The following EML1 variants were observed in gnomAD, a reference collection of about 807,000 sequenced individuals.
EML1 encodes the protein echinoderm microtubule-associated protein-like 1.
A neutral mutation model predicts 110.4 loss-of-function variants in EML1; 27 were observed. The ratio of observed to expected loss-of-function variants is 0.24; its 90% CI spans 0.18 to 0.34. The LOEUF is 0.34. EML1 is among the 10% of genes least tolerant of loss of function. EML1 has a pLI of 1.00. For synonymous variants in EML1, 344 were observed against 385.8 expected (o/e 0.89, Z 1.27); for missense variants, 741 against 1,030.9 (o/e 0.72, Z 3.85).
intron 3 of EML1, among the ~76,000 whole-genome samples, chr14:99,872,621 C>T (rs1263979034): frequency 6.6e-6 from 1 of 152,126 alleles, no homozygotes; most frequent in Non-Finnish European, 1.5e-5. Flanking sequence ...CATTTATGGG[C>T]TTCGGTGGAT....
chr14:99,741,205 C>T, intron 1 of EML1, among the ~76,000 whole-genome samples: 1 of 152,178 alleles, frequency 6.6e-6, no homozygotes, highest in Non-Finnish European at 1.5e-5. Flanking sequence ...AAGGACAGGC[C>T]TCTAACCTGC....
chr14:99,770,532 C>T (rs61985998), upstream of EML1, among the ~76,000 whole-genome samples: 59,170 of 151,914 alleles, frequency 0.39, 13,971 homozygotes, highest in South Asian at 0.55. Context: ...TCCACCATTT[C>T]ATTAGCATTT....
chr14:99,901,482 G>A (rs2059762805), intron 9 of EML1, among the ~76,000 whole-genome samples: 1 of 152,192 alleles, frequency 6.6e-6, no homozygotes, highest in Admixed American at 6.5e-5. Context: ...TAAAGTGAAA[G>A]CAAGTTTATT....
At chr14:99,863,467 C>G (rs1408456138) in intron 2 of EML1, among the ~76,000 whole-genome samples, 1 of 152,322 alleles carries the variant, frequency 6.6e-6, no homozygotes, top group Non-Finnish European at 1.5e-5. Context: ...TGGTATCTTA[C>G]AGAATAGTTT....
Position 99,907,626 on chromosome 14 carries a change from C to T in EML1, c.1009-12C>T. The T allele has an allele frequency of 6.2e-7, 1 of 1,612,934 alleles. No individual in the cohort carries two copies. Among genetic ancestry groups the T allele is most frequent in the Non-Finnish European group, 8.5e-7 (1 of 1,179,264 alleles). ...TCAGATATAGTCTTCCTGTGAATAA[C>T]TTTCTTTTCAGAATGGAGGAACCAA... On this transcript the variant is annotated splice_polypyrimidine_tract_variant and intron_variant, in intron 9 of 21. Coordinates refer to ENST00000262233, the MANE Select transcript of EML1 (RefSeq NM_004434.3).
At chr14:99,796,708 G>A (rs1177288649) in intron 1 of EML1, among the ~76,000 whole-genome samples, 1 of 151,376 alleles carries the variant, frequency 6.6e-6, no homozygotes, top group African/African-American at 2.4e-5. Flanking sequence ...GTTTTAAAAA[G>A]TGAACAGTAG....
At chr14:99,928,658 G>A (rs1289624535) in intron 17 of EML1, among the ~76,000 whole-genome samples, 1 of 152,186 alleles carries the variant, frequency 6.6e-6, no homozygotes, top group Non-Finnish European at 1.5e-5. Flanking sequence ...CTGACTCTGA[G>A]CTGCTGGTCT....
Position 99,832,977 on chromosome 14 carries a change from G to T in EML1, c.68-17876G>T, listed in dbSNP as rs116276239. Among the ~76,000 whole-genome samples the T allele has an allele frequency of 9.9e-3, 1,502 of 152,214 alleles. 23 individuals are homozygous for T. Among genetic ancestry groups the T allele is most frequent in the African/African-American group, 0.033 (1,368 of 41,534 alleles). On this transcript the variant is annotated intron_variant, in intron 1 of 21. Coordinates refer to ENST00000262233, the MANE Select transcript of EML1 (RefSeq NM_004434.3). ...GTATTTCATGATGCTGAGGTTTGGG[G>T]TATGATTGATTCTGACACCCAGGTA...
chr14:99,835,583 C>T (rs1051954887), intron 1 of EML1, among the ~76,000 whole-genome samples: 3 of 152,116 alleles, frequency 2.0e-5, no homozygotes, highest in Admixed American at 6.5e-5. Flanking sequence ...CTCCTTTCTT[C>T]GTTTCTAATG....
At chr14:99,869,872 T>C (rs2059165590) in intron 3 of EML1, among the ~76,000 whole-genome samples, 1 of 152,330 alleles carries the variant, frequency 6.6e-6, no homozygotes, top group African/African-American at 2.4e-5. Context: ...TGCTCCTGTC[T>C]TGTCTTCTGC....
At chr14:99,774,421 G>A (rs1229564294) in intron 1 of EML1, among the ~76,000 whole-genome samples, 1 of 152,180 alleles carries the variant, frequency 6.6e-6, no homozygotes, top group African/African-American at 2.4e-5. Flanking sequence ...AAATGCTTCT[G>A]TAATGCCCAG....
chr14:99,793,457 C>G lies in EML1; in HGVS notation c.-20C>G, dbSNP rs868340729. 4.9e-5 allele frequency: 51 copies of G among 1,043,074 alleles called. No homozygotes were observed. Among genetic ancestry groups the G allele is most frequent in the Middle Eastern group, 8.0e-4 (2 of 2,506 alleles). The allele number at this position is 1,043,074 out of a possible 1,614,324, so 64.6% of individuals were successfully genotyped here. A position where few individuals can be genotyped will look rare whatever the true frequency, so the allele number is the denominator to read the frequency against. ...CGGCGCGGCCGGGCCGGGGAGCGGG[C>G]GCGGCCCGGCGGCCTCAGCATGGAG... On this transcript the variant is annotated 5_prime_UTR_variant, in exon 1 of 22. Coordinates refer to ENST00000262233, the MANE Select transcript of EML1 (RefSeq NM_004434.3).
chr14:99,896,359 CT>C (rs57881358), intron 6 of EML1, among the ~76,000 whole-genome samples: 46,518 of 149,396 alleles, frequency 0.31, 8,050 homozygotes, highest in South Asian at 0.5. Context: ...CCCCAAAATA[CT>C]TTTTTTTTTT....
chr14:99,906,599 T>C (rs1409829097), intron 9 of EML1, among the ~76,000 whole-genome samples: 1 of 152,206 alleles, frequency 6.6e-6, no homozygotes. Context: ...GCAAGATCTT[T>C]ATAACCTGTG....
intron 8 of EML1, among the ~76,000 whole-genome samples, chr14:99,898,568 C>T (rs1434106526): frequency 2.0e-5 from 3 of 152,102 alleles, no homozygotes; most frequent in African/African-American, 7.2e-5. Context: ...GCCTAGCCAA[C>T]ATAGTGAAAC....
chr14:99,797,547 T>C (rs73354544), intron 1 of EML1, among the ~76,000 whole-genome samples: 22,960 of 152,186 alleles, frequency 0.15, 2,006 homozygotes, highest in East Asian at 0.37. Context: ...ACCTAAATAT[T>C]AAGCTTGTTT....
At chr14:99,739,119 A>AGTGTGTGT (rs71113220) in intron 1 of EML1, among the ~76,000 whole-genome samples, 37 of 134,988 alleles carry the variant, frequency 2.7e-4, no homozygotes, top group African/African-American at 5.9e-4. Flanking sequence ...AGAGAGAGAG[A>AGTGTGTGT]GTGTGTGTGT....
chr14:99,750,092 C>G (rs770537654), intron 1 of EML1, among the ~76,000 whole-genome samples: 1 of 152,184 alleles, frequency 6.6e-6, no homozygotes, highest in Non-Finnish European at 1.5e-5. Context: ...ATTGTGTGGC[C>G]GTCACCTGAG....
chr14:99,912,900 C>A (rs964288942), intron 13 of EML1, among the ~76,000 whole-genome samples: 9 of 152,200 alleles, frequency 5.9e-5, no homozygotes, highest in African/African-American at 2.2e-4. Context: ...TGCTAACATG[C>A]CACACTGGAG....
Sources: allele counts gnomAD v4.1 joint callset (sites outside exome capture counted in the v4.1 genomes callset), GRCh38; gene constraint gnomAD v4.1.1; transcripts MANE v1.5; gene names NCBI Gene and HGNC (gene_info 2026-07-23, HGNC 2026-07-21).